Variants in DNAH9 observed in about 807,000 individuals in gnomAD.
The protein encoded by DNAH9 is dynein axonemal heavy chain 9, also known as DNAH9 variant protein.
In DNAH9, 345 loss-of-function variants were observed where a neutral mutation model predicts 471.6. The ratio of observed to expected loss-of-function variants is 0.73; its 90% CI spans 0.67 to 0.80. The LOEUF (loss-of-function observed/expected upper bound fraction) is 0.80, where lower values mean the gene tolerates loss of function less well. DNAH9 is among the 30% of genes least tolerant of loss of function. The pLI is 0.00. For synonymous variants in DNAH9, 2,093 were observed against 2,123.6 expected (o/e 0.99, Z 0.40); for missense variants, 5,407 against 5,609.2 (o/e 0.96, Z 1.15).
intron 43 of DNAH9, among the ~76,000 whole-genome samples, chr17:11,807,175 C>T (rs998132550): frequency 1.1e-4 from 16 of 152,084 alleles, no homozygotes; most frequent in Non-Finnish European, 1.9e-4. Context: ...GGGTCATCCA[C>T]GCCCAGGAAG....
chr17:11,704,582 C>CTTTT, intron 25 of DNAH9, 140 bp downstream of exon 25: 36 of 526,958 alleles, frequency 6.8e-5, no homozygotes, highest in South Asian at 2.2e-4. Flanking sequence ...GCTGCTCCTA[C>CTTTT]TTTTTTTTTT....
At chr17:11,904,493 G>A (rs1318669884) in intron 60 of DNAH9, among the ~76,000 whole-genome samples, 2 of 151,980 alleles carry the variant, frequency 1.3e-5, no homozygotes, top group East Asian at 1.9e-4. Flanking sequence ...GCTAGGCATA[G>A]TGGCACTCGC....
chr17:11,605,307 A>G (rs2072477367), intron 1 of DNAH9, among the ~76,000 whole-genome samples: 1 of 152,056 alleles, frequency 6.6e-6, no homozygotes, highest in Non-Finnish European at 1.5e-5. Context: ...CTTTATTCAC[A>G]GAACTTACTG....
intron 38 of DNAH9, among the ~76,000 whole-genome samples, chr17:11,773,413 C>G (rs982737941): frequency 2.6e-5 from 4 of 152,058 alleles, no homozygotes; most frequent in African/African-American, 4.8e-5. Flanking sequence ...TCTGTAGGCA[C>G]TGAGTTGGAA....
rs748957242 is a variant in DNAH9, at chr17:11,875,053, C to G, written c.10347C>G (p.Ser3449=). The G allele has an allele frequency of 1.9e-6, 3 of 1,614,096 alleles. No homozygotes were observed. The South Asian group carries it at 3.3e-5, about 18-fold the overall frequency. Residue 3449 remains serine, a synonymous_variant, in exon 53 of 69, where the codon TCC becomes TCG. Transcript: ENST00000262442. ...AGGGCCTCCCAGCCGACCGCATGTC[C>G]GTGGAGAATGCCACCATTCTCATCA... ...QNEGLPADRM[S]VENATILINC...
At chr17:11,769,021 C>T (rs1213642627) in intron 37 of DNAH9, 101 bp from the exon 38 acceptor site, 4 of 1,230,902 alleles carry the variant, frequency 3.2e-6, no homozygotes, top group Non-Finnish European at 4.7e-6. Context: ...GGAGCTCCAT[C>T]GTGACGGAAT....
Position 11,669,677 on chromosome 17 carries a change from A to C in DNAH9, c.3236A>C (p.Lys1079Thr), listed in dbSNP as rs761337244. 1 of 1,614,050 alleles carries C rather than the reference A, an allele frequency of 6.2e-7. No individual in the cohort carries two copies. The highest frequency in any genetic ancestry group is 1.3e-5 in the African/African-American group (1 of 74,914). Residue 1079 changes from lysine to threonine, a missense_variant, in exon 17 of 69, where the codon AAG becomes ACG. Physicochemically the swap from Lys to Thr is moderately conservative, Grantham distance 78. Coordinates refer to ENST00000262442, the MANE Select transcript of DNAH9 (RefSeq NM_001372.4). ...YEEVCRLEPI[K>T]VFDGWMKIDI... is the part of the protein sequence containing the mutation. ...GAGGTGTGCAGGCTGGAACCCATCA[A>C]GGTGTTTGACGGCTGGATGAAAATT...
intron 65 of DNAH9, 22 bp downstream of exon 65, chr17:11,934,093 C>G: frequency 6.2e-7 from 1 of 1,603,494 alleles, no homozygotes. Context: ...CTCTGTGCTT[C>G]TGATGTCGTG....
chr17:11,772,228 A>G, intron 38 of DNAH9, among the ~76,000 whole-genome samples: 1 of 150,614 alleles, frequency 6.6e-6, no homozygotes, highest in East Asian at 1.9e-4. Flanking sequence ...TAAATAGAAT[A>G]ATAATTTATT....
At chr17:11,753,506 A>G (rs1383138851) in intron 33 of DNAH9, among the ~76,000 whole-genome samples, 1 of 152,154 alleles carries the variant, frequency 6.6e-6, no homozygotes, top group Non-Finnish European at 1.5e-5. Flanking sequence ...TCTCTATGAA[A>G]AATACAAAAA....
At chr17:11,735,000 A>T (rs984435730) in intron 28 of DNAH9, among the ~76,000 whole-genome samples, 4 of 152,180 alleles carry the variant, frequency 2.6e-5, no homozygotes, top group African/African-American at 9.7e-5. Flanking sequence ...GACGCACCTC[A>T]TTGGACCCCA....
intron 29 of DNAH9, among the ~76,000 whole-genome samples, chr17:11,741,933 G>T (rs2075438685): frequency 6.6e-6 from 1 of 152,178 alleles, no homozygotes; most frequent in Non-Finnish European, 1.5e-5. Context: ...CCTTAAGAAG[G>T]CGACTTCATT....
intron 59 of DNAH9, among the ~76,000 whole-genome samples, chr17:11,901,468 G>A (rs1653337593): frequency 6.6e-6 from 1 of 152,222 alleles, no homozygotes; most frequent in African/African-American, 2.4e-5. Flanking sequence ...GGTCGAGGCG[G>A]GTGGATCGCC....
chr17:11,720,206 TC>T (rs1443458146), intron 27 of DNAH9, among the ~76,000 whole-genome samples: 1 of 152,162 alleles, frequency 6.6e-6, no homozygotes, highest in Non-Finnish European at 1.5e-5. Context: ...CTTCTTTTTT[TC>T]TTTTTTTTCT....
In DNAH9 at chr17:11,640,968, A is replaced by G. The variant is rs969120982; in HGVS notation, c.1901+584A>G. On this transcript the variant is annotated intron_variant, in intron 10 of 68. Coordinates refer to ENST00000262442, the MANE Select transcript of DNAH9 (RefSeq NM_001372.4). ...GAGGTTAGAAGCTGAGATAGAAGCA[A>G]CTCAGCTGCTAATTGTGATGTTGTG... Among the ~76,000 whole-genome samples the G allele has an allele frequency of 2.0e-5, 3 of 152,046 alleles. No individual in the cohort carries two copies. The East Asian group carries it at 5.8e-4, about 29-fold the overall frequency.
intron 45 of DNAH9, among the ~76,000 whole-genome samples, chr17:11,811,060 C>T (rs1218571973): frequency 3.3e-5 from 5 of 152,194 alleles, no homozygotes; most frequent in East Asian, 1.9e-4. Context: ...CGTCTGTAAT[C>T]CCAGCACTTT....
At chr17:11,701,289 G>C (rs1300769866) in intron 24 of DNAH9, 42 bp downstream of exon 24, 1 of 1,602,004 alleles carries the variant, frequency 6.2e-7, no homozygotes. Flanking sequence ...GGTTGGGGCT[G>C]TCTTCCTCCG....
intron 35 of DNAH9, among the ~76,000 whole-genome samples, chr17:11,760,766 C>T (rs1967631296): frequency 6.6e-6 from 1 of 152,182 alleles, no homozygotes; most frequent in Non-Finnish European, 1.5e-5. Context: ...GATCTGCCCT[C>T]CTCGGCCTCC....
Position 11,727,911 on chromosome 17 carries a change from G to A in DNAH9, c.5803G>A (p.Val1935Met). The A allele has an allele frequency of 6.2e-7, 1 of 1,613,108 alleles. No homozygotes were observed. Among genetic ancestry groups the A allele is most frequent in the Non-Finnish European group, 8.5e-7 (1 of 1,179,064 alleles). The change falls in exon 28 of 69, where the codon GTG becomes ATG. Residue 1935 changes from valine (V) to methionine (M), a missense_variant. Physicochemically the swap from Val to Met is conservative, Grantham distance 21. Coordinates refer to ENST00000262442, the MANE Select transcript of DNAH9 (RefSeq NM_001372.4). Reference sequence around the variant, plus strand: ...AATCTCCGTGGAGGTCTTGTCAGTGGTGGCAGTGCAGGTAAGGGCCAGAAG... The same window carrying A: ...AATCTCCGTGGAGGTCTTGTCAGTGATGGCAGTGCAGGTAAGGGCCAGAAG... ...NRISVEVLSV[V>M]AVQVKSIQDA... is the part of the protein sequence containing the mutation.
Sources: allele counts gnomAD v4.1 joint callset (sites outside exome capture counted in the v4.1 genomes callset), GRCh38; gene constraint gnomAD v4.1.1; transcripts MANE v1.5; gene names NCBI Gene and HGNC (gene_info 2026-07-23, HGNC 2026-07-21).